USP9X: variants seen among roughly 807,000 people sequenced by gnomAD.
The protein encoded by USP9X is ubiquitin specific peptidase 9 X-linked.
In USP9X, 7 loss-of-function variants were observed where a neutral mutation model predicts 190.3. That is an observed-to-expected ratio of 0.04 (90% CI 0.02 to 0.07). USP9X has a LOEUF of 0.07. USP9X is among the 10% of genes least tolerant of loss of function. The pLI is 1.00. For synonymous variants in USP9X, 645 were observed against 659.5 expected (o/e 0.98, Z 0.34); for missense variants, 1,010 against 1,916.9 (o/e 0.53, Z 8.83).
intron 13 of USP9X, 46 bp downstream of exon 13, chrX:41,151,103 A>G (rs1471012940): frequency 8.8e-7 from 1 of 1,130,968 alleles, no homozygotes; most frequent in Non-Finnish European, 1.2e-6. Context: ...AAATTTATGT[A>G]CTTTATTGAA....
chrX:41,090,708 C>T (rs758511821), intron 1 of USP9X, among the ~76,000 whole-genome samples: 22 of 111,183 alleles, frequency 2.0e-4, no homozygotes, highest in African/African-American at 7.2e-4. Context: ...AGAATTGAGA[C>T]CCTTTGCATG....
intron 41 of USP9X, among the ~76,000 whole-genome samples, chrX:41,225,881 T>G (rs982849442): frequency 8.9e-6 from 1 of 112,741 alleles, no homozygotes; most frequent in Admixed American, 9.4e-5. Context: ...CATTATATAC[T>G]TGGGTCATTT....
At chrX:41,086,682 G>C (rs755457332) in intron 1 of USP9X, among the ~76,000 whole-genome samples, 1 of 112,730 alleles carries the variant, frequency 8.9e-6, no homozygotes, top group Admixed American at 9.3e-5. Flanking sequence ...TGGGCTCCTG[G>C]AGTGGGAGCT....
intron 2 of USP9X, among the ~76,000 whole-genome samples, chrX:41,125,674 ACACACACACACT>A (rs1198480993): frequency 1.8e-4 from 8 of 45,539 alleles, no homozygotes; most frequent in African/African-American, 5.7e-4. Flanking sequence ...ACACACACAC[ACACACACACACT>A]CTCTCTCTCT....
intron 1 of USP9X, among the ~76,000 whole-genome samples, chrX:41,120,785 A>C (rs1270652940): frequency 2.8e-5 from 3 of 108,914 alleles, no homozygotes; most frequent in African/African-American, 1.0e-4. Flanking sequence ...AGCGTGAGCT[A>C]CCGCGCCCAG....
intron 14 of USP9X, among the ~76,000 whole-genome samples, chrX:41,162,140 A>G (rs748664836): frequency 4.5e-5 from 5 of 112,122 alleles, no homozygotes; most frequent in Middle Eastern, 9.2e-3. Flanking sequence ...AGAAACATCA[A>G]TGTTTTGAAG....
In USP9X at chrX:41,184,037, A is replaced by G. The variant is rs767946741; in HGVS notation, c.3188A>G (p.Asp1063Gly). ...TIEKLRAICL[D>G]HAKLGESSLS... ...GAAAAATTAAGAGCTATTTGTTTAG[A>G]CCATGCCAAACTTGGAGAAAGCAGC... Residue 1063 changes from aspartate to glycine, a missense_variant, in exon 22 of 45, where the codon GAC becomes GGC. Asp to Gly is a moderately conservative substitution (Grantham distance 94, BLOSUM62 -1). This residue lies in a region of USP9X where 351 missense variants were observed against 480.8 expected (regional missense o/e 0.73). Coordinates refer to ENST00000378308, the MANE Select transcript of USP9X (RefSeq NM_001039591.3). 1 of 1,209,610 alleles carries G rather than the reference A, an allele frequency of 8.3e-7. No individual in the cohort carries two copies. The highest frequency in any genetic ancestry group is 1.8e-5 in the South Asian group (1 of 56,413).
intron 1 of USP9X, among the ~76,000 whole-genome samples, chrX:41,097,361 G>A (rs2061999223): frequency 8.9e-6 from 1 of 112,014 alleles, no homozygotes; most frequent in African/African-American, 3.2e-5. Context: ...CAGAGAAAAT[G>A]TTGATACCTC....
In USP9X at chrX:41,232,367, G is replaced by A. The variant is rs2063368485; in HGVS notation, c.7528-20G>A. On this transcript the variant is annotated intron_variant, in intron 44 of 44. Coordinates refer to ENST00000378308, the MANE Select transcript of USP9X (RefSeq NM_001039591.3). ...ACTATGTGAAAAGTTTTAACATACA[G>A]ATCTTTTCTCCTTTCCCAGAATAAC... 1 of 1,198,371 alleles carries A rather than the reference G, an allele frequency of 8.3e-7. No individual in the cohort carries two copies. The highest frequency in any genetic ancestry group is 1.1e-6 in the Non-Finnish European group (1 of 889,551).
Position 41,193,568 on chromosome X carries a change from TG to T in USP9X, c.3978-2680del, listed in dbSNP as rs1178326866. 4.5e-5 allele frequency among the ~76,000 whole-genome samples: 5 copies of T among 111,140 alleles called. No homozygotes were observed. In the Admixed American group the frequency reaches 4.8e-4, roughly 11 times the overall value. The stretch of plus-strand genomic sequence containing the variant: ...GTCCCAACTACTCAGGAGGCTAAAG[TG>T]GGCAGATCACCTGAGCCCGGAGAGG... On this transcript the variant is annotated intron_variant, in intron 26 of 44. Transcript: ENST00000378308.
intron 26 of USP9X, chrX:41,195,762 C>G: frequency 3.9e-6 from 1 of 257,740 alleles, no homozygotes; most frequent in Non-Finnish European, 7.3e-6. Context: ...TGACAGGAGG[C>G]GGAGCTCAGG....
At position 41,166,182 on chromosome X, in the gene USP9X, T is replaced by A. The variant is rs2062676972; in HGVS notation, c.2296T>A (p.Leu766Met). 1 of 1,199,378 alleles carries A rather than the reference T, an allele frequency of 8.3e-7. No homozygotes were observed. ...AKRRAYMMDD[L>M]ELIGLDYLWR... ...AAGGAGAGCCTATATGATGGATGAC[T>A]TGGAGTTAATAGGATTAGATTACCT... Residue 766 changes from leucine (L) to methionine (M), a missense_variant, in exon 16 of 45, where the codon TTG (leucine) becomes ATG (methionine). Physicochemically the swap from Leu to Met is conservative, Grantham distance 15. Transcript: ENST00000378308.
intron 1 of USP9X, among the ~76,000 whole-genome samples, chrX:41,108,576 CTGTTTTGTGT>C (rs2062086368): frequency 9.0e-6 from 1 of 111,503 alleles, no homozygotes; most frequent in Non-Finnish European, 1.9e-5. Context: ...ATGATCTCTC[CTGTTTTGTGT>C]TGTTTTCCAA....
At chrX:41,189,515 A>T (rs2062912278) in intron 26 of USP9X, 40 bp downstream of exon 26, 1 of 1,114,244 alleles carries the variant, frequency 9.0e-7, no homozygotes, top group Non-Finnish European at 1.2e-6. Context: ...TACTTTTTGT[A>T]AATGGAGTGA....
intron 32 of USP9X, among the ~76,000 whole-genome samples, chrX:41,208,319 C>T (rs1307313096): frequency 8.9e-6 from 1 of 112,546 alleles, no homozygotes; most frequent in African/African-American, 3.2e-5. Context: ...GCCACTGCGC[C>T]CAGCTGAGGC....
intron 33 of USP9X, 65 bp from the exon 34 acceptor site, chrX:41,214,498 TTTACA>T (rs1389596175): frequency 9.9e-7 from 1 of 1,010,458 alleles, no homozygotes; most frequent in Non-Finnish European, 1.3e-6. Flanking sequence ...GCAAATGTAG[TTTACA>T]TTAAGTCCAT....
chrX:41,206,553 G>A (rs1201623618), intron 32 of USP9X, among the ~76,000 whole-genome samples: 2 of 110,518 alleles, frequency 1.8e-5, no homozygotes, highest in Non-Finnish European at 3.8e-5. Flanking sequence ...AATCCCTGTG[G>A]TCGTTTATTA....
rs199527382 is a variant in USP9X, at chrX:41,130,727, CT to C, written c.243-720del. ...TCTTGATCTCTTTTCTTTTCTTTTT[CT>C]TTTTTTTTTCCTTTTGAGACGGTGT... On this transcript the variant is annotated intron_variant, in intron 3 of 44. Transcript: ENST00000378308. Among the ~76,000 whole-genome samples, 293 of 96,476 alleles carry C rather than the reference CT, an allele frequency of 3.0e-3. 1 individual carries two copies. Among genetic ancestry groups the C allele is most frequent in the African/African-American group, 0.01 (263 of 26,160 alleles). 83.8% of individuals were successfully genotyped at this position (96,476 alleles called of 115,157 possible).
chrX:41,132,593 C>T (rs1398575981), intron 4 of USP9X, among the ~76,000 whole-genome samples: 2 of 110,550 alleles, frequency 1.8e-5, no homozygotes, highest in African/African-American at 6.6e-5. Context: ...CATGAGCCAC[C>T]GCGCCCAGCT....
Sources: allele counts gnomAD v4.1 joint callset (sites outside exome capture counted in the v4.1 genomes callset), GRCh38; gene constraint gnomAD v4.1.1; regional missense constraint gnomAD v4.1.1; transcripts MANE v1.5; gene names NCBI Gene and HGNC (gene_info 2026-07-23, HGNC 2026-07-21).